NANS: variants seen among roughly 807,000 people sequenced by gnomAD.
NANS encodes N-acetylneuraminate-9-phosphate synthase.
NANS carries 29 observed loss-of-function variants against 33.3 expected under a neutral mutation model. The observed-to-expected ratio is 0.87, with a 90% confidence interval of 0.65 to 1.19. The LOEUF is 1.19. NANS is among the 50% of genes most tolerant of loss of function. The pLI, the probability that NANS is intolerant of heterozygous loss-of-function variation, is 0.00. For synonymous variants in NANS, 163 were observed against 177.2 expected (o/e 0.92, Z 0.64); for missense variants, 394 against 461.1 (o/e 0.85, Z 1.33).
At chr9:98,071,222 ACTGTATGGTACACACCTCAG>A (rs1564160349) in intron 2 of NANS, among the ~76,000 whole-genome samples, 1 of 152,198 alleles carries the variant, frequency 6.6e-6, no homozygotes, top group African/African-American at 2.4e-5. Flanking sequence ...TGATGGCACG[ACTGTATGGTACACACCTCAG>A]CTGTATGGTA....
At chr9:98,058,171 C>T (rs1828882487) in intron 1 of NANS, among the ~76,000 whole-genome samples, 1 of 152,080 alleles carries the variant, frequency 6.6e-6, no homozygotes, top group African/African-American at 2.4e-5. Context: ...CCCACCTTGG[C>T]CTCCGAAAGT....
intron 2 of NANS, among the ~76,000 whole-genome samples, chr9:98,063,240 TTTG>T (rs1334698544): frequency 6.6e-6 from 1 of 150,534 alleles, no homozygotes; most frequent in South Asian, 2.1e-4. Flanking sequence ...AGTTTTATTT[TTTG>T]TTGTTGTTTG....
Position 98,056,986 on chromosome 9 carries a change from G to C in NANS, c.132+46G>C. On this transcript the variant is annotated intron_variant, in intron 1 of 5. Transcript: ENST00000210444. Reference sequence around the variant, plus strand: ...ACCCGGGATTCGGGCGCCGGGAGGGGCGGGGCGGGGCCGCGGGGAGCCAGG... The same window carrying C: ...ACCCGGGATTCGGGCGCCGGGAGGGCCGGGGCGGGGCCGCGGGGAGCCAGG... 7 of 1,516,600 alleles carry C rather than the reference G, an allele frequency of 4.6e-6. 1 individual carries two copies. The highest frequency in any genetic ancestry group is 6.2e-6 in the Non-Finnish European group (7 of 1,133,644). The allele number at this position is 1,516,600 out of a possible 1,614,324, so 93.9% of individuals were successfully genotyped here. A position where few individuals can be genotyped will look rare whatever the true frequency, so the allele number is the denominator to read the frequency against.
intron 2 of NANS, among the ~76,000 whole-genome samples, chr9:98,070,452 A>C (rs549608923): frequency 2.5e-4 from 37 of 149,946 alleles, no homozygotes; most frequent in Middle Eastern, 6.5e-3. Flanking sequence ...TATTTATTTC[A>C]CTCTGTTGGC....
intron 1 of NANS, 36 bp downstream of exon 1, chr9:98,056,976 G>C (rs751005513): frequency 6.5e-7 from 1 of 1,537,524 alleles, no homozygotes; most frequent in Middle Eastern, 2.1e-4. Flanking sequence ...GGATTCGGGC[G>C]CCGGGAGGGG....
chr9:98,066,895 C>T (rs1261537771), intron 2 of NANS, among the ~76,000 whole-genome samples: 1 of 152,172 alleles, frequency 6.6e-6, no homozygotes, highest in Admixed American at 6.5e-5. Flanking sequence ...AGGTGATCCA[C>T]TTGCCTTGGC....
chr9:98,073,400 T>C (rs1480475580), intron 2 of NANS, among the ~76,000 whole-genome samples: 3 of 148,200 alleles, frequency 2.0e-5, no homozygotes, highest in Non-Finnish European at 4.5e-5. Context: ...TTGTCCTGCC[T>C]TAGCCTCCCG....
At chr9:98,074,081 T>C (rs1306918533) in intron 2 of NANS, among the ~76,000 whole-genome samples, 1 of 152,206 alleles carries the variant, frequency 6.6e-6, no homozygotes, top group Non-Finnish European at 1.5e-5. Context: ...CTACCATGCC[T>C]GGCCAGAATT....
At chr9:98,066,150 A>C (rs1434872949) in intron 2 of NANS, among the ~76,000 whole-genome samples, 1 of 152,226 alleles carries the variant, frequency 6.6e-6, no homozygotes, top group Non-Finnish European at 1.5e-5. Context: ...AGTAAGGAGA[A>C]ATGTTATGTG....
At chr9:98,061,501 G>T (rs1333118952) in intron 2 of NANS, among the ~76,000 whole-genome samples, 3 of 142,650 alleles carry the variant, frequency 2.1e-5, no homozygotes, top group Non-Finnish European at 4.5e-5. Flanking sequence ...AAAAAAAAAG[G>T]CCAGGCGCGG....
chr9:98,064,540 G>A (rs1829078597), intron 2 of NANS, among the ~76,000 whole-genome samples: 1 of 152,136 alleles, frequency 6.6e-6, no homozygotes, highest in African/African-American at 2.4e-5. Context: ...ACAGGTGTAA[G>A]CCACCGCACC....
chr9:98,072,594 A>G (rs1829389997), intron 2 of NANS, among the ~76,000 whole-genome samples: 2 of 152,048 alleles, frequency 1.3e-5, no homozygotes, highest in African/African-American at 4.8e-5. Context: ...TATTTTTAGT[A>G]GAGACAGAGT....
intron 2 of NANS, among the ~76,000 whole-genome samples, chr9:98,066,752 G>C (rs1305670187): frequency 1.3e-5 from 2 of 151,762 alleles, no homozygotes; most frequent in Non-Finnish European, 2.9e-5. Context: ...TCAGGTTCAA[G>C]CAATTCTCCT....
chr9:98,081,148 A>G (rs1390302384), intron 5 of NANS, 66 bp downstream of exon 5: 1 of 1,590,822 alleles, frequency 6.3e-7, no homozygotes, highest in Non-Finnish European at 8.6e-7. Flanking sequence ...CTGGCCTGAG[A>G]GGGATGGTCA....
chr9:98,076,651 C>G (rs949202253), intron 2 of NANS: 1 of 396,302 alleles, frequency 2.5e-6, no homozygotes, highest in South Asian at 2.9e-5. Flanking sequence ...CAGGCATGAG[C>G]CACCACGCCC....
chr9:98,079,040 C>T (rs1829728511), intron 4 of NANS, among the ~76,000 whole-genome samples: 1 of 152,130 alleles, frequency 6.6e-6, no homozygotes. Context: ...TGCTGAGCAT[C>T]CCTGAGGCTC....
rs1587926337 is a variant in NANS, at chr9:98,078,188, C to G, written c.449-5C>G. On this transcript the variant is annotated splice_polypyrimidine_tract_variant and splice_region_variant and intron_variant, in intron 3 of 5. Transcript: ENST00000210444. ...TGCTGATGGTGTTGGTGCTGGATTA[C>G]TCAGGTCGCCCAATGGTGATCTCCA... 3.7e-6 allele frequency: 6 copies of G among 1,614,172 alleles called. No homozygotes were observed. The highest frequency in any genetic ancestry group is 1.3e-5 in the African/African-American group (1 of 75,054).
In NANS at chr9:98,070,482, G is replaced by A. The variant is rs181621444; in HGVS notation, c.349-6436G>A. On this transcript the variant is annotated intron_variant, in intron 2 of 5. Coordinates refer to ENST00000210444, the MANE Select transcript of NANS (RefSeq NM_018946.4). Reference sequence around the variant, plus strand: ...GTTGGCCAGGCCGGAGTGCAATGGCGTGATCTTGGCTCACTGCAACTTCTG... The same window carrying A: ...GTTGGCCAGGCCGGAGTGCAATGGCATGATCTTGGCTCACTGCAACTTCTG... 4.3e-4 allele frequency among the ~76,000 whole-genome samples: 65 copies of A among 151,948 alleles called. 3 individuals are homozygous for A. Among genetic ancestry groups the A allele is most frequent in the Admixed American group, 3.7e-3 (56 of 15,238 alleles).
intron 3 of NANS, 78 bp from the exon 4 acceptor site, chr9:98,078,115 C>A: frequency 1.3e-6 from 2 of 1,585,690 alleles, no homozygotes; most frequent in South Asian, 2.3e-5. Flanking sequence ...AATGATGAGA[C>A]CAGCAGTTGG....
Sources: allele counts gnomAD v4.1 joint callset (sites outside exome capture counted in the v4.1 genomes callset), GRCh38; gene constraint gnomAD v4.1.1; transcripts MANE v1.5; gene names NCBI Gene and HGNC (gene_info 2026-07-23, HGNC 2026-07-21).